CDYL: variants seen among roughly 807,000 people sequenced by gnomAD.
The protein encoded by CDYL is chromodomain Y-like protein.
Under a neutral mutation model 47.3 loss-of-function variants are expected in CDYL, and 8 were observed. The ratio of observed to expected loss-of-function variants is 0.17; its 90% CI spans 0.10 to 0.31. CDYL has a LOEUF of 0.31. Among genes scored for constraint, CDYL ranks in the 10% least tolerant of loss-of-function variants. The pLI, the probability that CDYL is intolerant of heterozygous loss-of-function variation, is 1.00. For synonymous variants in CDYL, 266 were observed against 265.0 expected, an observed-to-expected ratio of 1.00 and a Z score of -0.04; for missense variants, 471 against 701.4, an observed-to-expected ratio of 0.67 and a Z score of 3.71.
At chr6:4,768,148 T>C (rs1758284200) in intron 3 of CDYL, among the ~76,000 whole-genome samples, 1 of 152,224 alleles carries the variant, frequency 6.6e-6, no homozygotes, top group African/African-American at 2.4e-5. Context: ...GAAAAAGCCC[T>C]TTCCTAAGCC....
intron 2 of CDYL, among the ~76,000 whole-genome samples, chr6:4,720,834 C>T (rs1757355151): frequency 6.6e-6 from 1 of 152,086 alleles, no homozygotes; most frequent in African/African-American, 2.4e-5. Context: ...GATTTTTAAC[C>T]CAATTAAATT....
intron 1 of CDYL, among the ~76,000 whole-genome samples, chr6:4,791,475 CTG>C (rs1758914862): frequency 6.6e-6 from 1 of 152,174 alleles, no homozygotes; most frequent in African/African-American, 2.4e-5. Flanking sequence ...ATTCAAAAAA[CTG>C]TGTTGGAGGG....
At chr6:4,859,721 T>C (rs182220732) in intron 1 of CDYL, among the ~76,000 whole-genome samples, 6 of 152,282 alleles carry the variant, frequency 3.9e-5, no homozygotes, top group Admixed American at 3.3e-4. Context: ...CTAACTTAGA[T>C]GTTTGGTGAA....
intron 1 of CDYL, among the ~76,000 whole-genome samples, chr6:4,794,103 C>T (rs920536675): frequency 1.3e-5 from 2 of 152,028 alleles, no homozygotes; most frequent in Non-Finnish European, 2.9e-5. Flanking sequence ...GCCATGAGTG[C>T]ATTTAATCAT....
At chr6:4,893,140 G>T (rs1762097887) in intron 2 of CDYL, among the ~76,000 whole-genome samples, 1 of 152,172 alleles carries the variant, frequency 6.6e-6, no homozygotes. Context: ...TTTCTAATAG[G>T]GCTTCCTGCT....
intron 2 of CDYL, among the ~76,000 whole-genome samples, chr6:4,902,645 T>C (rs549638739): frequency 6.6e-6 from 1 of 152,162 alleles, no homozygotes; most frequent in Non-Finnish European, 1.5e-5. Flanking sequence ...AGGCACTGCA[T>C]TTATCTCCTT....
At chr6:4,765,209 C>G (rs1758234093) in intron 3 of CDYL, among the ~76,000 whole-genome samples, 1 of 151,916 alleles carries the variant, frequency 6.6e-6, no homozygotes, top group Admixed American at 6.6e-5. Flanking sequence ...GTAATCCCAG[C>G]TACTTAGGGA....
At chr6:4,832,362 A>T (rs1220295389) in intron 1 of CDYL, among the ~76,000 whole-genome samples, 1 of 151,508 alleles carries the variant, frequency 6.6e-6, no homozygotes, top group East Asian at 1.9e-4. Context: ...GGCTCTGTTT[A>T]TATGCTGGAT....
chr6:4,722,135 G>A (rs1258878951), intron 2 of CDYL, among the ~76,000 whole-genome samples: 1 of 152,200 alleles, frequency 6.6e-6, no homozygotes, highest in African/African-American at 2.4e-5. Context: ...TTACAGGCAT[G>A]AGCCACTGCG....
At chr6:4,930,805 T>C (rs1477275982) in intron 2 of CDYL, among the ~76,000 whole-genome samples, 2 of 152,262 alleles carry the variant, frequency 1.3e-5, no homozygotes, top group Non-Finnish European at 2.9e-5. Flanking sequence ...TCTTTCCTAG[T>C]CGAATGTTAT....
chr6:4,819,408 G>T (rs575753493), intron 1 of CDYL, among the ~76,000 whole-genome samples: 1 of 152,176 alleles, frequency 6.6e-6, no homozygotes, highest in Admixed American at 6.5e-5. Context: ...GGTGGCTGAG[G>T]GGTTTGCCCA....
rs139802555 is a variant in CDYL, at chr6:4,875,362, G to A, written c.25-16351G>A. Among the ~76,000 whole-genome samples the A allele has an allele frequency of 3.9e-5, 6 of 152,186 alleles. No homozygotes were observed. The East Asian group carries it at 7.7e-4, about 20-fold the overall frequency. On this transcript the variant is annotated intron_variant, in intron 1 of 6. Coordinates refer to ENST00000397588, the MANE Select transcript of CDYL (RefSeq NM_004824.4). ...GTCAGTTTCCATGAAAAAGCCTTTG[G>A]GACTTGTGATTGGGATTGTATTGTA...
chr6:4,842,709 C>T (rs1319454645), intron 1 of CDYL, among the ~76,000 whole-genome samples: 1 of 152,138 alleles, frequency 6.6e-6, no homozygotes, highest in Non-Finnish European at 1.5e-5. Context: ...AATTCTTATC[C>T]ATTCTGCCAT....
chr6:4,918,070 G>C (rs1359015302), intron 2 of CDYL, among the ~76,000 whole-genome samples: 2 of 152,162 alleles, frequency 1.3e-5, no homozygotes, highest in African/African-American at 4.8e-5. Context: ...AGAGAAATTA[G>C]ATTGTAATTG....
chr6:4,915,078 T>C (rs990108119), intron 2 of CDYL, among the ~76,000 whole-genome samples: 2 of 152,266 alleles, frequency 1.3e-5, no homozygotes, highest in Non-Finnish European at 2.9e-5. Context: ...TGTTTAACTC[T>C]GTGTTGTTAG....
intron 3 of CDYL, among the ~76,000 whole-genome samples, chr6:4,755,953 CT>C (rs1470035317): frequency 1.2e-4 from 18 of 152,180 alleles, no homozygotes; most frequent in Non-Finnish European, 2.6e-4. Flanking sequence ...CGTAATTCTC[CT>C]TCATATGGAA....
rs192508809 is a variant in CDYL at position 4,766,502 on chromosome 6, C to T, written c.186+31658C>T. Among the ~76,000 whole-genome samples, 621 of 152,138 alleles carry T rather than the reference C, an allele frequency of 4.1e-3. 12 individuals are homozygous for T. Among genetic ancestry groups the T allele is most frequent in the East Asian group, 0.025 (129 of 5,172 alleles). ...CTGGGATTACAGGTGTGAGCCATGG[C>T]GCCCGGCCCTGAATATTTCTTTATT... On this transcript the variant is annotated intron_variant, in intron 3 of 8. Coordinates refer to the CDYL transcript ENST00000328908.
chr6:4,749,295 GGATGGATGGATA>G (rs1044743345), intron 3 of CDYL, among the ~76,000 whole-genome samples: 3 of 135,608 alleles, frequency 2.2e-5, no homozygotes, highest in Non-Finnish European at 3.1e-5. Context: ...ATGGATGGAT[GGATGGATGGATA>G]GATGGATGGA....
intron 1 of CDYL, among the ~76,000 whole-genome samples, chr6:4,839,616 C>T (rs1462385758): frequency 6.6e-6 from 1 of 152,140 alleles, no homozygotes; most frequent in Non-Finnish European, 1.5e-5. Context: ...GATGAGGATC[C>T]AGTTTCATTC....
Sources: gnomAD v4.1 joint callset for allele counts (sites outside exome capture counted in the v4.1 genomes callset) on GRCh38, gnomAD v4.1.1 for gene constraint, MANE v1.5 for transcripts, NCBI Gene and HGNC (gene_info 2026-07-23, HGNC 2026-07-21) for gene names.